CNTN4: variants seen among roughly 807,000 people sequenced by gnomAD.
The protein encoded by CNTN4 is contactin-4.
CNTN4 carries 77 observed loss-of-function variants against 122.5 expected under a neutral mutation model. The ratio of observed to expected loss-of-function variants is 0.63; its 90% CI spans 0.52 to 0.76. The LOEUF is 0.76. Among genes scored for constraint, CNTN4 ranks in the 30% least tolerant of loss-of-function variants. The pLI, the probability that CNTN4 is intolerant of heterozygous loss-of-function variation, is 0.00. For synonymous variants in CNTN4, 512 were observed against 447.0 expected, an observed-to-expected ratio of 1.15 and a Z score of -1.83; for missense variants, 1,256 against 1,259.1, an observed-to-expected ratio of 1.00 and a Z score of 0.04.
In CNTN4 at chr3:3,040,199, A is replaced by G. The variant is rs757969709; in HGVS notation, c.2326A>G (p.Lys776Glu). The change falls in exon 20 of 25, where the codon AAA becomes GAA. Residue 776 changes from lysine to glutamate, a missense_variant. By Grantham distance (56) the Lys-to-Glu change is moderately conservative. Transcript: ENST00000418658. ...GCACCCCTTCTCTCCCTTTGAGGTT[A>G]AAGTAGGTGTCTTCAACAACAAAGG... ...SVHPFSPFEVKVGVFNNKGEG... is the reference protein window; with the variant it reads ...SVHPFSPFEVEVGVFNNKGEG... 3 of 1,614,194 alleles carry G rather than the reference A, an allele frequency of 1.9e-6. No homozygotes were observed. The highest frequency in any genetic ancestry group is 2.5e-6 in the Non-Finnish European group (3 of 1,180,022).
In CNTN4 at chr3:2,568,858, T is replaced by C. The variant is rs191280191; in HGVS notation, c.-88-2558T>C. ...AACATGCACTGTAAATACTATCATA[T>C]CATGAACTAAATCTTTATCAGGTAA... On this transcript the variant is annotated intron_variant, in intron 3 of 24. Coordinates refer to ENST00000418658, the MANE Select transcript of CNTN4 (RefSeq NM_175607.3). Among the ~76,000 whole-genome samples the C allele has an allele frequency of 3.3e-5, 5 of 152,338 alleles. No individual in the cohort carries two copies. In the South Asian group the frequency reaches 8.3e-4, roughly 25 times the overall value.
chr3:2,167,570 T>C (rs1177986615), intron 2 of CNTN4, among the ~76,000 whole-genome samples: 1 of 152,120 alleles, frequency 6.6e-6, no homozygotes, highest in Non-Finnish European at 1.5e-5. Context: ...AATACATCTC[T>C]CAGAATTGGA....
At chr3:2,685,876 G>A (rs2085406052) in intron 4 of CNTN4, among the ~76,000 whole-genome samples, 2 of 152,084 alleles carry the variant, frequency 1.3e-5, no homozygotes, top group African/African-American at 2.4e-5. Context: ...CCAATTTCCA[G>A]TTTCAGTTAG....
chr3:2,602,316 G>A (rs542766505), intron 4 of CNTN4, among the ~76,000 whole-genome samples: 1 of 152,268 alleles, frequency 6.6e-6, no homozygotes, highest in South Asian at 2.1e-4. Context: ...CCTGTTTGCA[G>A]ATGACATGAT....
intron 23 of CNTN4, among the ~76,000 whole-genome samples, chr3:3,051,377 A>G (rs191101091): frequency 1.3e-5 from 2 of 152,320 alleles, no homozygotes; most frequent in African/African-American, 4.8e-5. Context: ...GCTGCAGTCC[A>G]TAATACTGCA....
At chr3:2,840,677 C>A (rs559926108) in intron 7 of CNTN4, among the ~76,000 whole-genome samples, 9 of 148,598 alleles carry the variant, frequency 6.1e-5, no homozygotes, top group East Asian at 2.0e-4. Flanking sequence ...CCAGCCTGGG[C>A]GACAGAGCGA....
chr3:2,926,295 T>A (rs1419191478), intron 13 of CNTN4, among the ~76,000 whole-genome samples: 1 of 152,226 alleles, frequency 6.6e-6, no homozygotes, highest in Non-Finnish European at 1.5e-5. Flanking sequence ...TTATTTCAAC[T>A]ACATATTTTT....
At chr3:3,050,252 G>A (rs1322694604) in intron 23 of CNTN4, among the ~76,000 whole-genome samples, 1 of 152,044 alleles carries the variant, frequency 6.6e-6, no homozygotes, top group Non-Finnish European at 1.5e-5. Context: ...AATTTTTAAT[G>A]TCTAATTTCT....
At chr3:2,204,722 T>A (rs1478610008) in intron 2 of CNTN4, among the ~76,000 whole-genome samples, 1 of 152,164 alleles carries the variant, frequency 6.6e-6, no homozygotes. Context: ...TTTAGCCTAC[T>A]CACTATTCTC....
chr3:2,625,834 TCA>T (rs1173234623), intron 4 of CNTN4, among the ~76,000 whole-genome samples: 1 of 152,212 alleles, frequency 6.6e-6, no homozygotes, highest in East Asian at 1.9e-4. Context: ...TAGAGTTGAC[TCA>T]TGAGGTATTT....
At chr3:2,436,196 A>T (rs2048251742) in intron 3 of CNTN4, among the ~76,000 whole-genome samples, 1 of 152,198 alleles carries the variant, frequency 6.6e-6, no homozygotes, top group Admixed American at 6.5e-5. Context: ...CATACCTATT[A>T]TGAGCCAGGC....
At chr3:2,981,590 G>A (rs1223680327) in intron 13 of CNTN4, among the ~76,000 whole-genome samples, 1 of 152,054 alleles carries the variant, frequency 6.6e-6, no homozygotes, top group African/African-American at 2.4e-5. Context: ...AATATTAGTG[G>A]AAAAACCGTT....
At position 2,191,701 on chromosome 3, in the gene CNTN4, T is replaced by TACACACAC. The variant is rs1335159198; in HGVS notation, c.-145+91063_-145+91064insCACACACA. ...TATTTAACAAAATTCTATGTATATA[T>TACACACAC]ATATATATACACACACACACACATA... On this transcript the variant is annotated intron_variant, in intron 2 of 24. Coordinates refer to ENST00000418658, the MANE Select transcript of CNTN4 (RefSeq NM_175607.3). Among the ~76,000 whole-genome samples, 150 of 32,020 alleles carry TACACACAC rather than the reference T, an allele frequency of 4.7e-3. 2 individuals carry two copies. The East Asian group carries it at 0.12, about 27-fold the overall frequency. The allele number at this position is 32,020 out of a possible 152,430, so 21.0% of individuals were successfully genotyped here.
intron 14 of CNTN4, among the ~76,000 whole-genome samples, chr3:3,002,422 C>A (rs192809017): frequency 6.6e-6 from 1 of 151,600 alleles, no homozygotes; most frequent in Admixed American, 6.6e-5. Flanking sequence ...AGGTTTAGCT[C>A]AAAAAAGAGA....
chr3:2,119,912 A>G (rs2125190790), intron 2 of CNTN4, among the ~76,000 whole-genome samples: 1 of 152,286 alleles, frequency 6.6e-6, no homozygotes, highest in East Asian at 1.9e-4. Flanking sequence ...GGAGAAAAGG[A>G]AAGTGCTGAG....
At chr3:2,979,017 C>G (rs73805474) in intron 13 of CNTN4, among the ~76,000 whole-genome samples, 10,142 of 152,196 alleles carry the variant, frequency 0.067, 856 homozygotes, top group African/African-American at 0.2. Context: ...ACTTTTGGAA[C>G]AGAAAACGGG....
Position 2,771,161 on chromosome 3 carries a change from C to G in CNTN4, c.358+25464C>G, listed in dbSNP as rs553749997. 5.9e-5 allele frequency among the ~76,000 whole-genome samples: 9 copies of G among 152,124 alleles called. No individual in the cohort carries two copies. The East Asian group carries it at 1.5e-3, about 26-fold the overall frequency. On this transcript the variant is annotated intron_variant, in intron 6 of 24. Coordinates refer to ENST00000418658, the MANE Select transcript of CNTN4 (RefSeq NM_175607.3). ...TCTCTTAAGTTGGAAGTATACATAC[C>G]CATGGGAGATAGGCATGCCACCTCT... is the stretch of plus-strand genomic sequence containing the variant.
chr3:2,670,139 G>T (rs571794508), intron 4 of CNTN4, among the ~76,000 whole-genome samples: 5 of 152,112 alleles, frequency 3.3e-5, no homozygotes, highest in Non-Finnish European at 7.3e-5. Context: ...TCAATTCCTG[G>T]ATATCCTTGT....
At chr3:3,021,759 A>C (rs553168825) in intron 14 of CNTN4, among the ~76,000 whole-genome samples, 1 of 152,304 alleles carries the variant, frequency 6.6e-6, no homozygotes, top group African/African-American at 2.4e-5. Context: ...TATCCTGTGG[A>C]CCCAAAAGCA....
Sources: allele counts gnomAD v4.1 joint callset (sites outside exome capture counted in the v4.1 genomes callset), GRCh38; gene constraint gnomAD v4.1.1; transcripts MANE v1.5; gene names NCBI Gene and HGNC (gene_info 2026-07-23, HGNC 2026-07-21).